HPSE2: variants seen among roughly 807,000 people sequenced by gnomAD.
HPSE2 encodes the protein heparanase 2 (inactive).
A neutral mutation model predicts 60.5 loss-of-function variants in HPSE2; 38 were observed. The ratio of observed to expected loss-of-function variants is 0.63; its 90% CI spans 0.48 to 0.82. HPSE2 has a LOEUF of 0.82. Ranked by LOEUF, HPSE2 falls within the 40% of genes least tolerant of loss-of-function variation. The probability of loss-of-function intolerance (pLI) is 0.00; values close to 1 mark genes in which losing one functional copy is unlikely to be tolerated. For missense variants in HPSE2, 713 were observed against 740.4 expected, an observed-to-expected ratio of 0.96 and a Z score of 0.43; for synonymous variants, 295 against 293.2, an observed-to-expected ratio of 1.01 and a Z score of -0.06.
intron 9 of HPSE2, among the ~76,000 whole-genome samples, chr10:98,614,097 G>A (rs1945833371): frequency 6.6e-6 from 1 of 152,126 alleles, no homozygotes; most frequent in Admixed American, 6.6e-5. Flanking sequence ...TTGCACTTCA[G>A]CCACTCCTCA....
At chr10:98,895,091 G>A (rs189180126) in intron 3 of HPSE2, among the ~76,000 whole-genome samples, 2 of 152,086 alleles carry the variant, frequency 1.3e-5, no homozygotes, top group Non-Finnish European at 2.9e-5. Context: ...AAAAATTTAG[G>A]AGTGTTTACC....
intron 3 of HPSE2, among the ~76,000 whole-genome samples, chr10:98,819,653 A>G (rs1019665665): frequency 6.6e-6 from 1 of 152,170 alleles, no homozygotes; most frequent in Non-Finnish European, 1.5e-5. Context: ...AATTCTTTTT[A>G]AAAGAGCTTT....
intron 7 of HPSE2, among the ~76,000 whole-genome samples, chr10:98,631,737 A>G (rs1315121875): frequency 6.6e-6 from 1 of 152,192 alleles, no homozygotes. Context: ...ACCTTACTAA[A>G]CACTGACCAA....
intron 3 of HPSE2, among the ~76,000 whole-genome samples, chr10:98,819,912 T>A (rs536941829): frequency 9.2e-5 from 14 of 152,278 alleles, no homozygotes; most frequent in Non-Finnish European, 1.9e-4. Flanking sequence ...TGGATGGAGA[T>A]TTATACAAGA....
At chr10:98,836,325 T>G (rs10748757) in intron 3 of HPSE2, among the ~76,000 whole-genome samples, 15,529 of 152,208 alleles carry the variant, frequency 0.1, 1,922 homozygotes, top group African/African-American at 0.29. Context: ...CACATGGTTA[T>G]TTAGTAACCT....
At chr10:99,142,213 A>G (rs1197183235) in intron 3 of HPSE2, among the ~76,000 whole-genome samples, 1 of 152,186 alleles carries the variant, frequency 6.6e-6, no homozygotes, top group Non-Finnish European at 1.5e-5. Flanking sequence ...ACCAATATAC[A>G]TTCATCACTG....
intron 2 of HPSE2, among the ~76,000 whole-genome samples, chr10:99,152,899 G>T (rs764977065): frequency 6.6e-6 from 1 of 152,220 alleles, no homozygotes; most frequent in African/African-American, 2.4e-5. Context: ...TGCGCGCATC[G>T]TGCGCGAGCC....
intron 3 of HPSE2, among the ~76,000 whole-genome samples, chr10:98,874,499 G>A (rs1247444029): frequency 6.6e-6 from 1 of 152,002 alleles, no homozygotes; most frequent in African/African-American, 2.4e-5. Context: ...ATCAGCTTAA[G>A]GAATGTTTGG....
At chr10:99,196,768 T>C (rs1397093443) in intron 2 of HPSE2, among the ~76,000 whole-genome samples, 1 of 152,124 alleles carries the variant, frequency 6.6e-6, no homozygotes, top group Non-Finnish European at 1.5e-5. Context: ...CTGGTGCTGG[T>C]GCAAATGTAG....
At chr10:99,100,376 G>A (rs1242142582) in intron 3 of HPSE2, among the ~76,000 whole-genome samples, 1 of 152,158 alleles carries the variant, frequency 6.6e-6, no homozygotes, top group Non-Finnish European at 1.5e-5. Context: ...TCGATCAACT[G>A]GAAGAAAGGG....
At chr10:98,488,327 A>G (rs1364459300) in intron 10 of HPSE2, among the ~76,000 whole-genome samples, 1 of 152,224 alleles carries the variant, frequency 6.6e-6, no homozygotes. Flanking sequence ...TAACATCTTG[A>G]TGCCCAAATT....
Position 98,705,948 on chromosome 10 carries a change from G to A in HPSE2, c.957-12001C>T, listed in dbSNP as rs572536434. 2.0e-5 allele frequency among the ~76,000 whole-genome samples: 3 copies of A among 152,252 alleles called. No individual in the cohort carries two copies. In the East Asian group the frequency reaches 5.8e-4, roughly 29 times the overall value. ...ATTCAAAACAAAAGAAATATTTTAT[G>A]TGAAACTGTTTTATAATCATATACA... On this transcript the variant is annotated intron_variant, in intron 5 of 11. Transcript: ENST00000370552.
At chr10:98,742,474 A>G (rs1216250106) in intron 4 of HPSE2, among the ~76,000 whole-genome samples, 2 of 152,048 alleles carry the variant, frequency 1.3e-5, no homozygotes, top group Non-Finnish European at 2.9e-5. Context: ...AAAATGTTGG[A>G]ATCAATTTGC....
the HPSE2 span, among the ~76,000 whole-genome samples, chr10:99,244,720 T>TTA: frequency 6.6e-6 from 1 of 151,874 alleles, no homozygotes; most frequent in Non-Finnish European, 1.5e-5. Context: ...AATACTCTAA[T>TTA]ATGTTTAGTT....
rs1236803732 is a variant in HPSE2 at position 98,646,335 on chromosome 10, T to TAA, written c.1005-4397_1005-4396dup. Reference sequence around the variant, plus strand: ...TTTTTCTTTTTTCTTTTTTTTTTTTTAAAAAAACCCTGGCTGAATGGTCTA... The same window carrying TAA: ...TTTTTCTTTTTTCTTTTTTTTTTTTTAAAAAAAAACCCTGGCTGAATGGTCTA... On this transcript the variant is annotated intron_variant, in intron 6 of 11. Transcript: ENST00000370552. 3.4e-5 allele frequency among the ~76,000 whole-genome samples: 3 copies of TAA among 89,314 alleles called. No homozygotes were observed. In the South Asian group the frequency reaches 1.2e-3, roughly 36 times the overall value. 58.6% of individuals were successfully genotyped at this position (89,314 alleles called of 152,430 possible). A position where few individuals can be genotyped will look rare whatever the true frequency, so the allele number is the denominator to read the frequency against.
At chr10:98,893,118 A>G (rs1953384432) in intron 3 of HPSE2, among the ~76,000 whole-genome samples, 1 of 151,208 alleles carries the variant, frequency 6.6e-6, no homozygotes, top group Non-Finnish European at 1.5e-5. Flanking sequence ...CCCAGGCTGG[A>G]GTGCAATGGT....
intron 3 of HPSE2, among the ~76,000 whole-genome samples, chr10:98,803,229 T>C (rs2134535925): frequency 6.6e-6 from 1 of 150,856 alleles, no homozygotes; most frequent in Middle Eastern, 3.4e-3. Flanking sequence ...TAGCCCTTTG[T>C]CAGATGAGTA....
At chr10:98,859,967 C>G (rs1952414298) in intron 3 of HPSE2, among the ~76,000 whole-genome samples, 1 of 152,010 alleles carries the variant, frequency 6.6e-6, no homozygotes, top group South Asian at 2.1e-4. Flanking sequence ...TATAATTGTT[C>G]TATTTTATTA....
the HPSE2 span, among the ~76,000 whole-genome samples, chr10:99,286,413 A>C: frequency 6.6e-6 from 1 of 152,230 alleles, no homozygotes; most frequent in East Asian, 1.9e-4. Flanking sequence ...TTGAAAACAC[A>C]CTAAGCAAAA....
Sources: allele counts gnomAD v4.1 joint callset (sites outside exome capture counted in the v4.1 genomes callset), GRCh38; gene constraint gnomAD v4.1.1; transcripts MANE v1.5; gene names NCBI Gene and HGNC (gene_info 2026-07-23, HGNC 2026-07-21).